Variants in CREB5 observed in about 807,000 individuals in gnomAD.
CREB5 encodes the protein cyclic AMP-responsive element-binding protein 5.
A neutral mutation model predicts 57.1 loss-of-function variants in CREB5; 19 were observed. The observed-to-expected ratio is 0.33, with a 90% CI of 0.23 to 0.49. The LOEUF is 0.49. Among genes scored for constraint, CREB5 ranks in the 20% least tolerant of loss-of-function variants. The probability of loss-of-function intolerance (pLI) is 0.99; values close to 1 mark genes in which losing one functional copy is unlikely to be tolerated. For missense variants in CREB5, 579 were observed against 671.6 expected (o/e 0.86, Z 1.52); for synonymous variants, 238 against 238.3 (o/e 1.00, Z 0.01).
chr7:28,338,926 T>G (rs1785879927), intron 1 of CREB5, among the ~76,000 whole-genome samples: 1 of 152,014 alleles, frequency 6.6e-6, no homozygotes, highest in African/African-American at 2.4e-5. Context: ...CGTTCTCCAG[T>G]TTGTCAATTG....
chr7:28,584,434 C>T (rs1013760765), intron 5 of CREB5, among the ~76,000 whole-genome samples: 5 of 152,030 alleles, frequency 3.3e-5, no homozygotes, highest in African/African-American at 1.2e-4. Flanking sequence ...ATAAGAAGGC[C>T]ATGTGGAGAC....
At chr7:28,766,092 A>T (rs1341567730) in intron 7 of CREB5, among the ~76,000 whole-genome samples, 1 of 151,864 alleles carries the variant, frequency 6.6e-6, no homozygotes, top group Non-Finnish European at 1.5e-5. Context: ...CAACTAAAAA[A>T]AAAATGAGAT....
At chr7:28,347,874 C>T (rs1356567390) in intron 1 of CREB5, among the ~76,000 whole-genome samples, 1 of 152,156 alleles carries the variant, frequency 6.6e-6, no homozygotes, top group Non-Finnish European at 1.5e-5. Flanking sequence ...CATTCGAATT[C>T]CCTATAATTC....
Position 28,718,816 on chromosome 7 carries a change from A to G in CREB5, c.528A>G (p.Pro176=). The change falls in exon 6 of 11, where the codon CCA becomes CCG. Residue 176 remains proline (P), a synonymous_variant. Transcript: ENST00000357727. ...ACAACAGACAGAGACAGCCCATGCC[A>G]GCCTCCATGCCTGGGACCCTGCCCA... ...HLHNRQRQPM[P]ASMPGTLPNP... 2.5e-6 allele frequency: 4 copies of G among 1,614,136 alleles called. No individual in the cohort carries two copies. Among genetic ancestry groups the G allele is most frequent in the Non-Finnish European group, 3.4e-6 (4 of 1,179,978 alleles).
chr7:28,686,024 C>G, intron 5 of CREB5: 1 of 1,021,952 alleles, frequency 9.8e-7, no homozygotes, highest in Non-Finnish European at 1.4e-6. Flanking sequence ...AGAGCCAGAG[C>G]TAGGCGCAAA....
intron 5 of CREB5, 62 bp downstream of exon 5, chr7:28,570,599 T>G: frequency 1.9e-6 from 3 of 1,556,046 alleles, no homozygotes; most frequent in Non-Finnish European, 2.6e-6. Context: ...GTCCTGGACT[T>G]CCTCCTGGTT....
intron 1 of CREB5, among the ~76,000 whole-genome samples, chr7:28,378,657 T>C (rs901387541): frequency 6.6e-6 from 1 of 152,224 alleles, no homozygotes; most frequent in African/African-American, 2.4e-5. Flanking sequence ...AGCATGTCTT[T>C]TGTGTGTTCA....
chr7:28,346,284 A>G (rs1006512728), intron 1 of CREB5, among the ~76,000 whole-genome samples: 3 of 152,216 alleles, frequency 2.0e-5, no homozygotes, highest in Non-Finnish European at 4.4e-5. Flanking sequence ...AAGGTGTAAG[A>G]TCAAGGCATC....
intron 1 of CREB5, among the ~76,000 whole-genome samples, chr7:28,315,723 G>T (rs1330822647): frequency 6.6e-6 from 1 of 152,084 alleles, no homozygotes; most frequent in Non-Finnish European, 1.5e-5. Flanking sequence ...GTGTGGACTT[G>T]CCTCGGTGGC....
At chr7:28,794,585 T>A (rs1001318980) in intron 7 of CREB5, among the ~76,000 whole-genome samples, 7 of 152,112 alleles carry the variant, frequency 4.6e-5, no homozygotes, top group Admixed American at 1.3e-4. Flanking sequence ...GAACAGCGGA[T>A]CTCTAATATC....
intron 5 of CREB5, among the ~76,000 whole-genome samples, chr7:28,706,842 A>T (rs920802670): frequency 6.6e-6 from 1 of 152,138 alleles, no homozygotes; most frequent in Non-Finnish European, 1.5e-5. Context: ...AAATCAGGAT[A>T]GTGTTTCAAG....
At chr7:28,577,767 C>T (rs1795957860) in intron 5 of CREB5, among the ~76,000 whole-genome samples, 2 of 152,164 alleles carry the variant, frequency 1.3e-5, no homozygotes, top group Non-Finnish European at 1.5e-5. Flanking sequence ...CTTTTCAGCA[C>T]TAAAATGTTA....
At chr7:28,324,660 G>A (rs898076571) in intron 1 of CREB5, among the ~76,000 whole-genome samples, 5 of 152,108 alleles carry the variant, frequency 3.3e-5, no homozygotes, top group Admixed American at 2.0e-4. Context: ...TCATCCAACC[G>A]TAAGGTCTTC....
chr7:28,671,261 GAAA>G (rs565901522), intron 5 of CREB5, among the ~76,000 whole-genome samples: 2 of 134,620 alleles, frequency 1.5e-5, no homozygotes, highest in African/African-American at 2.8e-5. Context: ...GTCTCAAAAA[GAAA>G]AAAAAAAAAA....
At chr7:28,510,568 T>C (rs908867852) in intron 4 of CREB5, among the ~76,000 whole-genome samples, 3 of 152,234 alleles carry the variant, frequency 2.0e-5, no homozygotes, top group Non-Finnish European at 4.4e-5. Context: ...AAAATTCTGT[T>C]AAAGAGCAAA....
intron 5 of CREB5, among the ~76,000 whole-genome samples, chr7:28,575,341 G>A (rs188302340): frequency 3.1e-4 from 47 of 152,166 alleles, no homozygotes; most frequent in African/African-American, 1.1e-3. Context: ...GCTGGGGGTG[G>A]GGAAAGAACA....
chr7:28,643,751 T>TGGG (rs1554279434), intron 5 of CREB5, among the ~76,000 whole-genome samples: 1,990 of 133,422 alleles, frequency 0.015, 31 homozygotes, highest in Non-Finnish European at 0.023. Context: ...GTTTGGGAGG[T>TGGG]GGGGGGGGGC....
intron 5 of CREB5, among the ~76,000 whole-genome samples, chr7:28,624,608 C>G (rs1321265414): frequency 6.8e-6 from 1 of 146,658 alleles, no homozygotes; most frequent in African/African-American, 2.5e-5. Context: ...CCTCTTGTTA[C>G]TTTGGTGTCT....
In CREB5 at chr7:28,560,910, G is replaced by A. The variant is rs1458494098; in HGVS notation, c.292-9455G>A. On this transcript the variant is annotated intron_variant, in intron 4 of 10. Coordinates refer to ENST00000357727, the MANE Select transcript of CREB5 (RefSeq NM_182898.4). ...TGCGTGTGTGTGCGTGCGCGCGTGCGTGTGCGTGTGTGCGCGTGCGTGTGT... is the reference window on the plus strand; with the variant it reads ...TGCGTGTGTGTGCGTGCGCGCGTGCATGTGCGTGTGTGCGCGTGCGTGTGT... 1.4e-3 allele frequency among the ~76,000 whole-genome samples: 55 copies of A among 38,732 alleles called. 4 individuals are homozygous for A. The highest frequency in any genetic ancestry group is 2.7e-3 in the Admixed American group (10 of 3,732). The allele number at this position is 38,732 out of a possible 152,430, so 25.4% of individuals were successfully genotyped here.
Sources: gnomAD v4.1 joint callset for allele counts (sites outside exome capture counted in the v4.1 genomes callset) on GRCh38, gnomAD v4.1.1 for gene constraint, MANE v1.5 for transcripts, NCBI Gene and HGNC (gene_info 2026-07-23, HGNC 2026-07-21) for gene names.